Variants in SLC24A2 observed in about 807,000 individuals in gnomAD.
The protein encoded by SLC24A2 is sodium/potassium/calcium exchanger 2.
A neutral mutation model predicts 62.0 loss-of-function variants in SLC24A2; 36 were observed. The ratio of observed to expected loss-of-function variants is 0.58; its 90% CI spans 0.44 to 0.77. SLC24A2 has a LOEUF of 0.77. SLC24A2 is among the 30% of genes least tolerant of loss of function. The probability of loss-of-function intolerance (pLI) is 0.00; values close to 1 mark genes in which losing one functional copy is unlikely to be tolerated. For missense variants in SLC24A2, 846 were observed against 817.9 expected (o/e 1.03, Z -0.42); for synonymous variants, 358 against 294.0 (o/e 1.22, Z -2.23).
At chr9:20,216,192 C>T in the SLC24A2 span, among the ~76,000 whole-genome samples, 1 of 152,176 alleles carries the variant, frequency 6.6e-6, no homozygotes, top group Non-Finnish European at 1.5e-5. Flanking sequence ...AATACGTTTC[C>T]TAAATAATGC....
the SLC24A2 span, among the ~76,000 whole-genome samples, chr9:19,943,162 A>G: frequency 4.6e-5 from 7 of 152,326 alleles, no homozygotes; most frequent in African/African-American, 1.7e-4. Context: ...GTGCCCTACA[A>G]ATGTGCTACT....
the SLC24A2 span, among the ~76,000 whole-genome samples, chr9:20,089,336 C>A: frequency 2.6e-5 from 4 of 152,262 alleles, no homozygotes; most frequent in South Asian, 8.3e-4. Context: ...AGCACAACCA[C>A]TCTGCCTCTG....
At chr9:20,276,226 T>A in the SLC24A2 span, among the ~76,000 whole-genome samples, 2 of 152,194 alleles carry the variant, frequency 1.3e-5, no homozygotes, top group Admixed American at 1.3e-4. Context: ...AGCAAGTTAA[T>A]TTCTTCCTAG....
intron 2 of SLC24A2, among the ~76,000 whole-genome samples, chr9:19,652,203 T>C (rs1385013522): frequency 2.0e-5 from 3 of 152,216 alleles, no homozygotes; most frequent in Non-Finnish European, 4.4e-5. Flanking sequence ...GGGTACTTCC[T>C]CTAGCTCCTG....
upstream of SLC24A2, among the ~76,000 whole-genome samples, chr9:19,790,897 T>C (rs1222710730): frequency 6.6e-6 from 1 of 152,114 alleles, no homozygotes; most frequent in Non-Finnish European, 1.5e-5. Flanking sequence ...TTCTAGAATT[T>C]TTATGGTTTC....
intron 5 of SLC24A2, among the ~76,000 whole-genome samples, chr9:19,589,633 A>C (rs1298170588): frequency 6.6e-6 from 1 of 152,212 alleles, no homozygotes; most frequent in Non-Finnish European, 1.5e-5. Context: ...CACATTAGGA[A>C]CTATCTAATG....
At chr9:20,082,635 C>T in the SLC24A2 span, among the ~76,000 whole-genome samples, 1 of 152,234 alleles carries the variant, frequency 6.6e-6, no homozygotes, top group Non-Finnish European at 1.5e-5. Flanking sequence ...GTTCTTGTGC[C>T]TCCAGCCCTC....
rs191440155 is a variant in SLC24A2 at position 19,546,565 on chromosome 9, C to T, written c.1479+3572G>A. Among the ~76,000 whole-genome samples the T allele has an allele frequency of 1.2e-3, 178 of 152,256 alleles. 2 individuals carry two copies. The highest frequency in any genetic ancestry group is 3.9e-3 in the African/African-American group (164 of 41,554). On this transcript the variant is annotated intron_variant, in intron 8 of 10. Coordinates refer to ENST00000341998, the MANE Select transcript of SLC24A2 (RefSeq NM_020344.4). The stretch of plus-strand genomic sequence containing the variant: ...CCAAGCTTGAGCATCCCAGGTTGAC[C>T]TCAGACTGTTGTGCTGGCAGCAAGA...
At chr9:19,900,772 T>A in the SLC24A2 span, among the ~76,000 whole-genome samples, 6 of 152,328 alleles carry the variant, frequency 3.9e-5, no homozygotes, top group African/African-American at 1.2e-4. Flanking sequence ...CTGGTGATAA[T>A]CTACTCTATT....
At chr9:20,234,089 G>C in the SLC24A2 span, among the ~76,000 whole-genome samples, 1 of 152,234 alleles carries the variant, frequency 6.6e-6, no homozygotes, top group Non-Finnish European at 1.5e-5. Flanking sequence ...TTTCTGCCAA[G>C]AGATCAGCTG....
chr9:20,159,336 A>G, the SLC24A2 span, among the ~76,000 whole-genome samples: 1 of 151,680 alleles, frequency 6.6e-6, no homozygotes, highest in African/African-American at 2.4e-5. Flanking sequence ...AATACCTTGC[A>G]TATACACTAT....
At chr9:19,891,747 A>G in the SLC24A2 span, among the ~76,000 whole-genome samples, 1 of 152,086 alleles carries the variant, frequency 6.6e-6, no homozygotes, top group African/African-American at 2.4e-5. Flanking sequence ...TCCTGTCTCT[A>G]AAAAAACCAA....
chr9:19,986,598 T>C, the SLC24A2 span, among the ~76,000 whole-genome samples: 2 of 147,750 alleles, frequency 1.4e-5, no homozygotes, highest in Non-Finnish European at 2.9e-5. Flanking sequence ...CAATGTAATA[T>C]TATTCAGCCA....
chr9:19,876,555 T>A, the SLC24A2 span, among the ~76,000 whole-genome samples: 1 of 152,162 alleles, frequency 6.6e-6, no homozygotes, highest in East Asian at 1.9e-4. Context: ...AAATTGGCTT[T>A]CCATAGAACT....
intron 3 of SLC24A2, among the ~76,000 whole-genome samples, chr9:19,620,052 G>A (rs1434678918): frequency 6.6e-6 from 1 of 152,154 alleles, no homozygotes; most frequent in African/African-American, 2.4e-5. Context: ...GTGAAATGAG[G>A]TGCCCAAGTC....
intron 2 of SLC24A2, among the ~76,000 whole-genome samples, chr9:19,737,444 G>A (rs1302571667): frequency 6.6e-6 from 1 of 152,066 alleles, no homozygotes; most frequent in Non-Finnish European, 1.5e-5. Flanking sequence ...ACAAAGGCAT[G>A]AATAACCCAC....
chr9:20,100,883 C>A, the SLC24A2 span, among the ~76,000 whole-genome samples: 4 of 152,132 alleles, frequency 2.6e-5, no homozygotes, highest in Non-Finnish European at 5.9e-5. Flanking sequence ...TGGAAAGAAG[C>A]AAATTTCTTA....
At chr9:19,942,590 G>A in the SLC24A2 span, among the ~76,000 whole-genome samples, 86 of 152,306 alleles carry the variant, frequency 5.6e-4, no homozygotes, top group South Asian at 1.5e-3. Flanking sequence ...GTGAAACAGC[G>A]CATCGCATTC....
At chr9:20,053,060 GAT>G in the SLC24A2 span, among the ~76,000 whole-genome samples, 1 of 152,180 alleles carries the variant, frequency 6.6e-6, no homozygotes, top group African/African-American at 2.4e-5. Context: ...AACTGACTGA[GAT>G]ATGACAAATC....
Sources: gnomAD v4.1 joint callset for allele counts (sites outside exome capture counted in the v4.1 genomes callset) on GRCh38, gnomAD v4.1.1 for gene constraint, MANE v1.5 for transcripts, NCBI Gene and HGNC (gene_info 2026-07-23, HGNC 2026-07-21) for gene names.